The following OR56A3 variants were observed in gnomAD, a reference collection of about 807,000 sequenced individuals.
The protein encoded by OR56A3 is olfactory receptor 56A3.
In OR56A3, 23 loss-of-function variants were observed where a neutral mutation model predicts 17.5. The ratio of observed to expected loss-of-function variants is 1.32; its 90% CI spans 0.95 to 1.87. OR56A3 has a LOEUF of 1.87. Among genes scored for constraint, OR56A3 ranks in the 40% most tolerant of loss-of-function variants. The pLI is 0.00. For missense variants in OR56A3, 366 were observed against 380.1 expected, an observed-to-expected ratio of 0.96 and a Z score of 0.31; for synonymous variants, 175 against 150.6, an observed-to-expected ratio of 1.16 and a Z score of -1.19.
At chr11:5,965,417 T>G in the OR56A3 span, among the ~76,000 whole-genome samples, 1 of 152,250 alleles carries the variant, frequency 6.6e-6, no homozygotes, top group Non-Finnish European at 1.5e-5. Flanking sequence ...GCCTGGAACA[T>G]AAATAAAAAT....
At chr11:5,964,633 G>A in the OR56A3 span, among the ~76,000 whole-genome samples, 2 of 152,296 alleles carry the variant, frequency 1.3e-5, no homozygotes, top group South Asian at 4.1e-4. Context: ...TGTAGTTATG[G>A]GTTATTTGGA....
At chr11:5,967,994 A>G in the OR56A3 span, 1 of 1,589,708 alleles carries the variant, frequency 6.3e-7, no homozygotes, top group South Asian at 1.1e-5. Context: ...ATCTGAGTCG[A>G]GAAGAAAGTA....
chr11:5,961,240 A>G, the OR56A3 span, among the ~76,000 whole-genome samples: 94,235 of 152,072 alleles, frequency 0.62, 29,711 homozygotes, highest in African/African-American at 0.72. Context: ...CCGCCACCCC[A>G]TCTGGGAGGT....
chr11:5,988,296 C>T, the OR56A3 span, among the ~76,000 whole-genome samples: 1 of 128,174 alleles, frequency 7.8e-6, no homozygotes, highest in Admixed American at 8.8e-5. Flanking sequence ...GAAATTCTAT[C>T]AGTGTCTTAA....
the OR56A3 span, chr11:5,968,533 G>C: frequency 7.2e-7 from 1 of 1,381,908 alleles, no homozygotes; most frequent in Non-Finnish European, 1.0e-6. Context: ...ACCTGAAATT[G>C]TGTTTGATAA....
chr11:5,968,646 C>A, the OR56A3 span, among the ~76,000 whole-genome samples: 1 of 151,944 alleles, frequency 6.6e-6, no homozygotes, highest in Non-Finnish European at 1.5e-5. Context: ...CAAATGAAGG[C>A]AAAGTTTAGT....
the OR56A3 span, chr11:6,020,291 G>C: frequency 6.6e-6 from 1 of 152,098 alleles, no homozygotes; most frequent in African/African-American, 2.4e-5. Flanking sequence ...GGCTATTCAG[G>C]CTCTTTTTTG....
the OR56A3 span, among the ~76,000 whole-genome samples, chr11:5,961,601 C>G: frequency 1.3e-5 from 2 of 152,116 alleles, no homozygotes; most frequent in African/African-American, 2.4e-5. Flanking sequence ...CCCAGGGACA[C>G]AAACACTGAG....
At chr11:5,972,645 G>A in the OR56A3 span, among the ~76,000 whole-genome samples, 1 of 152,100 alleles carries the variant, frequency 6.6e-6, no homozygotes, top group Non-Finnish European at 1.5e-5. Context: ...GGACCCAGCA[G>A]CTAAGTTAAA....
chr11:5,992,632 C>G, the OR56A3 span, among the ~76,000 whole-genome samples: 1 of 152,170 alleles, frequency 6.6e-6, no homozygotes, highest in African/African-American at 2.4e-5. Context: ...ACCCAAGGGC[C>G]TCAACCCCCT....
chr11:5,946,751 A>G (rs113017536), intron 2 of OR56A3, among the ~76,000 whole-genome samples: 193 of 152,370 alleles, frequency 1.3e-3, no homozygotes, highest in African/African-American at 4.5e-3. Flanking sequence ...ACTTTTAGAC[A>G]AAATACAAGT....
chr11:5,947,417 C>T lies in OR56A3; in HGVS notation c.71C>T (p.Ser24Phe), dbSNP rs771725674. Residue 24 changes from serine (S) to phenylalanine (F), a missense_variant, in exon 3 of 3, where the codon TCC becomes TTC. Transcript: ENST00000641160. ...SDFLLNCFVR[S>F]PSWQHWLSLP... ...TTCCTCTTGAATTGTTTTGTCAGAT[C>T]CCCCAGCTGGCAGCACTGGCTGTCC... The T allele has an allele frequency of 2.5e-6, 4 of 1,613,874 alleles. No homozygotes were observed. The highest frequency in any genetic ancestry group is 1.1e-5 in the South Asian group (1 of 91,068).
chr11:6,003,172 T>C, the OR56A3 span: 1 of 1,465,178 alleles, frequency 6.8e-7, no homozygotes, highest in Non-Finnish European at 9.2e-7. Context: ...TAACCAAGTA[T>C]GTATCATATG....
chr11:6,015,285 G>A, the OR56A3 span, among the ~76,000 whole-genome samples: 1 of 152,222 alleles, frequency 6.6e-6, no homozygotes, highest in Admixed American at 6.5e-5. Context: ...TTGTGAGCCA[G>A]GCTCAGGGCT....
the OR56A3 span, among the ~76,000 whole-genome samples, chr11:5,960,520 C>T: frequency 5.3e-5 from 8 of 152,218 alleles, no homozygotes; most frequent in South Asian, 2.1e-4. Flanking sequence ...CTCGGCCTCC[C>T]GAGGTGCCGG....
chr11:5,986,587 C>A, the OR56A3 span: 147 of 1,613,842 alleles, frequency 9.1e-5, no homozygotes, highest in East Asian at 2.7e-4. Flanking sequence ...CTGGATCAGG[C>A]AGACGATGTA....
chr11:5,995,778 A>G, the OR56A3 span, among the ~76,000 whole-genome samples: 1 of 152,198 alleles, frequency 6.6e-6, no homozygotes, highest in Non-Finnish European at 1.5e-5. Flanking sequence ...TTTTTCAAGA[A>G]TACAATATGT....
At chr11:5,962,599 C>A in the OR56A3 span, among the ~76,000 whole-genome samples, 1 of 147,150 alleles carries the variant, frequency 6.8e-6, no homozygotes, top group Non-Finnish European at 1.5e-5. Flanking sequence ...ACTGCAGTGG[C>A]GCAATCTCGG....
rs978627802 is a variant in OR56A3, at chr11:5,948,730, C to T, written c.*436C>T. ...GAAAAAAACACAGTAGTTGAAATTT[C>T]AGTCCTCAGTGGTGGAAAGTTGCTA... On this transcript the variant is annotated 3_prime_UTR_variant, in exon 3 of 3. Transcript: ENST00000641160. 3.6e-5 allele frequency: 6 copies of T among 165,604 alleles called. No homozygotes were observed. The highest frequency in any genetic ancestry group is 1.4e-4 in the African/African-American group (6 of 41,556). 10.3% of individuals were successfully genotyped at this position (165,604 alleles called of 1,614,324 possible). A position where few individuals can be genotyped will look rare whatever the true frequency, so the allele number is the denominator to read the frequency against.
Sources: allele counts gnomAD v4.1 joint callset (sites outside exome capture counted in the v4.1 genomes callset), GRCh38; gene constraint gnomAD v4.1.1; transcripts MANE v1.5; gene names NCBI Gene and HGNC (gene_info 2026-07-23, HGNC 2026-07-21).